Variants in WWOX observed in about 807,000 individuals in gnomAD.
WWOX encodes WW domain containing oxidoreductase, also known as WW domain-containing oxidoreductase.
WWOX carries 69 observed loss-of-function variants against 46.2 expected under a neutral mutation model. That is an observed-to-expected ratio of 1.49 (90% CI 1.23 to 1.82). The LOEUF is 1.82. Among genes scored for constraint, WWOX ranks in the 40% most tolerant of loss-of-function variants. WWOX has a pLI of 0.00. For missense variants in WWOX, 919 were observed against 542.6 expected (o/e 1.69, Z -6.89); for synonymous variants, 359 against 202.6 (o/e 1.77, Z -6.56).
intron 8 of WWOX, among the ~76,000 whole-genome samples, chr16:78,566,888 G>C (rs2044582312): frequency 6.6e-6 from 1 of 152,136 alleles, no homozygotes; most frequent in Non-Finnish European, 1.5e-5. Flanking sequence ...AAGATCAAAG[G>C]GGTCACGTCT....
chr16:78,397,204 G>T (rs925640973), intron 6 of WWOX, among the ~76,000 whole-genome samples: 1 of 150,684 alleles, frequency 6.6e-6, no homozygotes, highest in Non-Finnish European at 1.5e-5. Context: ...TTACCATATA[G>T]GGAAGCAGGT....
intron 8 of WWOX, among the ~76,000 whole-genome samples, chr16:78,550,021 C>A (rs932431559): frequency 6.6e-6 from 1 of 152,140 alleles, no homozygotes; most frequent in Non-Finnish European, 1.5e-5. Flanking sequence ...TGAAAACACG[C>A]AATACACATT....
At position 78,800,470 on chromosome 16, in the gene WWOX, A is replaced by T. The variant is rs145278097; in HGVS notation, c.1056+367718A>T. On this transcript the variant is annotated intron_variant, in intron 8 of 8. Transcript: ENST00000566780. ...TGAAAATGGCCCCAAATAAAGTGGTATCCACACTTCTTCTTTCTCCTACGA... is the reference window on the plus strand; with the variant it reads ...TGAAAATGGCCCCAAATAAAGTGGTTTCCACACTTCTTCTTTCTCCTACGA... 9.5e-4 allele frequency among the ~76,000 whole-genome samples: 144 copies of T among 152,330 alleles called. 1 individual carries two copies. The highest frequency in any genetic ancestry group is 6.8e-3 in the Middle Eastern group (2 of 294).
In WWOX at chr16:78,198,462, A is replaced by C. The variant is rs73568339; in HGVS notation, c.516+34173A>C. Among the ~76,000 whole-genome samples the C allele has an allele frequency of 8.9e-3, 1,356 of 152,232 alleles. 21 individuals carry two copies. The highest frequency in any genetic ancestry group is 0.031 in the African/African-American group (1,296 of 41,536). ...TCCCTTCACACCCTCCACTCTGTCC[A>C]CTTGTTTGTTCCTTCAATAAATACT... On this transcript the variant is annotated intron_variant, in intron 5 of 8. Coordinates refer to ENST00000566780, the MANE Select transcript of WWOX (RefSeq NM_016373.4).
intron 8 of WWOX, among the ~76,000 whole-genome samples, chr16:78,459,228 T>C (rs886904061): frequency 3.3e-5 from 5 of 152,158 alleles, no homozygotes; most frequent in Non-Finnish European, 7.3e-5. Flanking sequence ...CCCAGAAAGG[T>C]TGAAAGACTG....
At chr16:78,277,914 G>A (rs4243151) in intron 5 of WWOX, among the ~76,000 whole-genome samples, 109,569 of 151,894 alleles carry the variant, frequency 0.72, 41,189 homozygotes, top group East Asian at 1. Context: ...GGAAATTTTT[G>A]AACATGGAAT....
intron 8 of WWOX, among the ~76,000 whole-genome samples, chr16:78,556,918 C>G (rs1016488952): frequency 2.6e-5 from 4 of 151,962 alleles, no homozygotes; most frequent in Non-Finnish European, 5.9e-5. Flanking sequence ...GAGGTTTTGC[C>G]ATATTGGTCA....
chr16:78,997,565 C>A (rs551139099), intron 8 of WWOX, among the ~76,000 whole-genome samples: 1 of 152,072 alleles, frequency 6.6e-6, no homozygotes, highest in Admixed American at 6.6e-5. Flanking sequence ...CATGTATATA[C>A]AACAGTACCT....
intron 4 of WWOX, among the ~76,000 whole-genome samples, chr16:78,156,032 G>C (rs1447015363): frequency 1.3e-5 from 2 of 152,288 alleles, no homozygotes; most frequent in African/African-American, 4.8e-5. Context: ...TAAGAAAATG[G>C]AGTTGTCTAT....
chr16:78,183,442 C>T (rs569469358), intron 5 of WWOX, among the ~76,000 whole-genome samples: 10 of 152,316 alleles, frequency 6.6e-5, no homozygotes, highest in African/African-American at 2.4e-4. Context: ...TGGTTGAGAA[C>T]ATGGATTTTG....
At chr16:78,311,662 G>C (rs1257987447) in intron 5 of WWOX, among the ~76,000 whole-genome samples, 3 of 152,224 alleles carry the variant, frequency 2.0e-5, no homozygotes, top group Non-Finnish European at 2.9e-5. Context: ...GGCTGTAGGA[G>C]AGATGGGGAG....
At chr16:78,660,211 G>C (rs1166033757) in intron 8 of WWOX, among the ~76,000 whole-genome samples, 4 of 152,106 alleles carry the variant, frequency 2.6e-5, no homozygotes, top group Non-Finnish European at 4.4e-5. Context: ...AATATTGTCA[G>C]CAGGAGGGAG....
At chr16:79,210,855 A>G (rs181216480) in intron 8 of WWOX, among the ~76,000 whole-genome samples, 141 of 152,290 alleles carry the variant, frequency 9.3e-4, no homozygotes, top group Admixed American at 7.3e-3. Flanking sequence ...GGTGAATGAA[A>G]GTGATCAGCT....
At chr16:79,136,885 G>T (rs896793796) in intron 8 of WWOX, among the ~76,000 whole-genome samples, 1 of 152,196 alleles carries the variant, frequency 6.6e-6, no homozygotes, top group East Asian at 1.9e-4. Context: ...ATGAAATTAT[G>T]TGTAAACTGT....
chr16:79,096,251 C>T (rs1012136773), intron 8 of WWOX, among the ~76,000 whole-genome samples: 2 of 152,024 alleles, frequency 1.3e-5, no homozygotes, highest in Non-Finnish European at 2.9e-5. Flanking sequence ...CCAGAATCTC[C>T]TTTGAAAATA....
At chr16:78,186,611 A>C (rs1437055064) in intron 5 of WWOX, among the ~76,000 whole-genome samples, 1 of 152,174 alleles carries the variant, frequency 6.6e-6, no homozygotes, top group Non-Finnish European at 1.5e-5. Flanking sequence ...TCAAAATACA[A>C]AAAGTTAGCC....
At chr16:78,576,427 T>C (rs546992621) in intron 8 of WWOX, among the ~76,000 whole-genome samples, 57 of 152,358 alleles carry the variant, frequency 3.7e-4, no homozygotes, top group East Asian at 7.7e-4. Flanking sequence ...TTGCACACTT[T>C]CCTTGTCTGG....
intron 6 of WWOX, among the ~76,000 whole-genome samples, chr16:78,389,750 T>A (rs2082139593): frequency 6.6e-6 from 1 of 152,124 alleles, no homozygotes; most frequent in Non-Finnish European, 1.5e-5. Flanking sequence ...CATTTTAGTT[T>A]ATTTTTTATT....
chr16:78,102,525 G>T (rs533371288), intron 1 of WWOX, among the ~76,000 whole-genome samples: 26 of 152,194 alleles, frequency 1.7e-4, no homozygotes, highest in Non-Finnish European at 3.8e-4. Flanking sequence ...GCCTTTGCAG[G>T]GACGGAGGCA....
Sources: allele counts gnomAD v4.1 joint callset (sites outside exome capture counted in the v4.1 genomes callset), GRCh38; gene constraint gnomAD v4.1.1; transcripts MANE v1.5; gene names NCBI Gene and HGNC (gene_info 2026-07-23, HGNC 2026-07-21).